SLC20A2: variants seen among roughly 807,000 people sequenced by gnomAD.
The protein encoded by SLC20A2 is solute carrier family 20 member 2, also known as sodium-dependent phosphate transporter 2.
SLC20A2 carries 30 observed loss-of-function variants against 61.0 expected under a neutral mutation model. The ratio of observed to expected loss-of-function variants is 0.49; its 90% CI spans 0.37 to 0.67. The LOEUF (loss-of-function observed/expected upper bound fraction) is 0.67, where lower values mean the gene tolerates loss of function less well. Among genes scored for constraint, SLC20A2 ranks in the 30% least tolerant of loss-of-function variants. The probability of loss-of-function intolerance (pLI) is 0.00; values close to 1 mark genes in which losing one functional copy is unlikely to be tolerated. For missense variants in SLC20A2, 626 were observed against 866.4 expected (o/e 0.72, Z 3.48); for synonymous variants, 351 against 353.3 (o/e 0.99, Z 0.07).
chr8:42,541,818 C>T (rs1015275512), intron 1 of SLC20A2: 5 of 151,066 alleles, frequency 3.3e-5, no homozygotes, highest in Non-Finnish European at 5.9e-5. Flanking sequence ...GGTGGCCGCC[C>T]GCCTGCCCTC....
intron 1 of SLC20A2, among the ~76,000 whole-genome samples, chr8:42,537,053 C>A (rs1812749493): frequency 2.7e-5 from 4 of 149,026 alleles, no homozygotes; most frequent in African/African-American, 5.0e-5. Flanking sequence ...CCGGCCTGGG[C>A]AACAGAGCCG....
At position 42,438,063 on chromosome 8, in the gene SLC20A2, C is replaced by CAAAAAAA. The variant is rs1391262305; in HGVS notation, c.935-493_935-487dup. On this transcript the variant is annotated intron_variant, in intron 7 of 10. Transcript: ENST00000520262. ...TATGGTTACCACTAAAAAAAAAAACCAAAAAAAAAAAAAAAAAAAAAAAAA... is the reference window on the plus strand; with the variant it reads ...TATGGTTACCACTAAAAAAAAAAACCAAAAAAAAAAAAAAAAAAAAAAAAAAAAAAAA... Among the ~76,000 whole-genome samples the CAAAAAAA allele has an allele frequency of 1.5e-3, 40 of 26,824 alleles. 6 individuals carry two copies. The highest frequency in any genetic ancestry group is 6.3e-3 in the Admixed American group (9 of 1,420). The allele number at this position is 26,824 out of a possible 152,430, so 17.6% of individuals were successfully genotyped here. A position where few individuals can be genotyped will look rare whatever the true frequency, so the allele number is the denominator to read the frequency against.
intron 1 of SLC20A2, among the ~76,000 whole-genome samples, chr8:42,475,792 G>A (rs1019500661): frequency 6.6e-6 from 1 of 151,718 alleles, no homozygotes; most frequent in African/African-American, 2.4e-5. Flanking sequence ...TCAGGAGCCC[G>A]CTGCATGGCT....
chr8:42,455,257 T>TATATAGAGAGAGAGAGAGAGAG (rs1357416749), intron 5 of SLC20A2, among the ~76,000 whole-genome samples: 3 of 81,622 alleles, frequency 3.7e-5, no homozygotes, highest in Admixed American at 1.9e-4. Context: ...TATATATATA[T>TATATAGAGAGAGAGAGAGAGAG]AGAGAGAGAG....
At chr8:42,459,011 G>A (rs1357537191) in intron 5 of SLC20A2, among the ~76,000 whole-genome samples, 6 of 139,412 alleles carry the variant, frequency 4.3e-5, no homozygotes, top group African/African-American at 8.6e-5. Context: ...AGTGGCTCAC[G>A]CCTGTAATCC....
chr8:42,437,426 G>A lies in SLC20A2; in HGVS notation c.1086C>T (p.His362=). 9 of 1,614,180 alleles carry A rather than the reference G, an allele frequency of 5.6e-6. No homozygotes were observed. The highest frequency in any genetic ancestry group is 7.6e-6 in the Non-Finnish European group (9 of 1,180,022). ...GLYKDLLHKI[H]IDRGPEEKPA... is the part of the protein sequence containing the mutation. ...GCTTCTCCTCGGGGCCCCTGTCGAT[G>A]TGGATTTTGTGCAGCAGATCTTTGT... is the stretch of plus-strand genomic sequence containing the variant. The change falls in exon 8 of 11, where the codon CAC becomes CAT. Residue 362 remains histidine (H), a synonymous_variant. Transcript: ENST00000520262. The surrounding 1 kb of genome is among the most constrained non-coding windows in gnomAD (Gnocchi z 6.4).
At chr8:42,512,931 G>C (rs915486613) in intron 1 of SLC20A2, among the ~76,000 whole-genome samples, 5 of 152,138 alleles carry the variant, frequency 3.3e-5, no homozygotes, top group Non-Finnish European at 7.3e-5. Context: ...GGTGGTCAGT[G>C]CTCAGGAAAA....
exon 1 of SLC20A2, chr8:42,541,905 G>A (rs2131479357): frequency 6.6e-6 from 1 of 152,262 alleles, no homozygotes; most frequent in Admixed American, 6.5e-5. Flanking sequence ...GTGGAGCTGC[G>A]AGTCGCCCGC....
rs764906136 is a variant in SLC20A2, at chr8:42,437,202, C to T, written c.1310G>A (p.Cys437Tyr). Residue 437 changes from cysteine (C) to tyrosine (Y), a missense_variant, in exon 8 of 11, where the codon TGT becomes TAT. Transcript: ENST00000520262. This position sits in a 1 kb window ranked among gnomAD's most constrained non-coding sequence, Gnocchi z 6.4. ...RLRYDSYSSY[C>Y]NAVAEAEIEA... ...GATCTCCGCCTCTGCCACCGCGTTACAGTAGCTCGAGTAGCTGTCGTAGCG... is the reference window on the plus strand; with the variant it reads ...GATCTCCGCCTCTGCCACCGCGTTATAGTAGCTCGAGTAGCTGTCGTAGCG... 2 of 1,613,666 alleles carry T rather than the reference C, an allele frequency of 1.2e-6. No homozygotes were observed. Among genetic ancestry groups the T allele is most frequent in the Non-Finnish European group, 1.7e-6 (2 of 1,180,046 alleles).
At chr8:42,448,910 C>CA (rs949126020) in intron 5 of SLC20A2, among the ~76,000 whole-genome samples, 2 of 152,246 alleles carry the variant, frequency 1.3e-5, no homozygotes, top group East Asian at 3.9e-4. Flanking sequence ...AGTAAACTGA[C>CA]AGTTACCTGT....
rs1412417006 is a variant in SLC20A2 at position 42,530,678 on chromosome 8, T to TA, written c.-265+11142dup. 4.6e-5 allele frequency among the ~76,000 whole-genome samples: 7 copies of TA among 152,004 alleles called. No individual in the cohort carries two copies. In the East Asian group the frequency reaches 1.3e-3, roughly 29 times the overall value. On this transcript the variant is annotated intron_variant, in intron 1 of 10. Transcript: ENST00000342228. ...TCAGGCTAAATAAACTTCTTTTAAC[T>TA]AAAAAAAGGGTGAGGTGACTAACTA...
chr8:42,450,180 A>AATAT (rs375520094), intron 5 of SLC20A2, among the ~76,000 whole-genome samples: 2 of 151,368 alleles, frequency 1.3e-5, no homozygotes, highest in African/African-American at 4.8e-5. Context: ...ATAAGTAAAA[A>AATAT]ATATATATAT....
At chr8:42,438,625 C>T (rs892929970) in intron 7 of SLC20A2, among the ~76,000 whole-genome samples, 1 of 152,240 alleles carries the variant, frequency 6.6e-6, no homozygotes, top group Non-Finnish European at 1.5e-5. Context: ...GTGGCAGTCA[C>T]CAGGGCAGGC....
intron 2 of SLC20A2, among the ~76,000 whole-genome samples, chr8:42,468,242 T>C (rs1182240628): frequency 6.6e-6 from 1 of 152,186 alleles, no homozygotes; most frequent in Non-Finnish European, 1.5e-5. Flanking sequence ...TGTGAGACAG[T>C]GATATCAACC....
intron 8 of SLC20A2, among the ~76,000 whole-genome samples, chr8:42,435,992 G>A (rs1369814601): frequency 6.6e-6 from 1 of 152,072 alleles, no homozygotes; most frequent in African/African-American, 2.4e-5. Context: ...TGGGGAGCCT[G>A]TAATCCCAGC....
intron 1 of SLC20A2, among the ~76,000 whole-genome samples, chr8:42,531,820 T>TC (rs1812339794): frequency 6.6e-6 from 1 of 151,494 alleles, no homozygotes; most frequent in East Asian, 2.0e-4. Flanking sequence ...TCTCTGCTTT[T>TC]TTTTTTTTTT....
At position 42,472,402 on chromosome 8, in the gene SLC20A2, G is replaced by A; in HGVS notation, c.-12C>T. The stretch of plus-strand genomic sequence containing the variant: ...TCATCCATGGCCATTTTGGAAAGTG[G>A]GTGCCGGGTACTTTTCTTTTGCAGG... On this transcript the variant is annotated 5_prime_UTR_variant, in exon 2 of 11. Transcript: ENST00000520262. This position sits in a 1 kb window ranked among gnomAD's most constrained non-coding sequence, Gnocchi z 4.1. 1 of 1,604,032 alleles carries A rather than the reference G, an allele frequency of 6.2e-7. No homozygotes were observed. Among genetic ancestry groups the A allele is most frequent in the Non-Finnish European group, 8.5e-7 (1 of 1,173,646 alleles).
chr8:42,438,612 G>A (rs1449269770), intron 7 of SLC20A2, among the ~76,000 whole-genome samples: 1 of 152,242 alleles, frequency 6.6e-6, no homozygotes, highest in Non-Finnish European at 1.5e-5. Flanking sequence ...CCACCTTGCA[G>A]AGGTGGCAGT....
At chr8:42,495,455 C>T (rs541862287) in intron 1 of SLC20A2, among the ~76,000 whole-genome samples, 49 of 152,142 alleles carry the variant, frequency 3.2e-4, no homozygotes, top group South Asian at 4.1e-4. Flanking sequence ...GGAGACACGT[C>T]GATCTTATCT....
Sources: allele counts gnomAD v4.1 joint callset (sites outside exome capture counted in the v4.1 genomes callset), GRCh38; gene constraint gnomAD v4.1.1; non-coding constraint Gnocchi (gnomAD v3.1); transcripts MANE v1.5; gene names NCBI Gene and HGNC (gene_info 2026-07-23, HGNC 2026-07-21).